RHOBTB3: variants seen among roughly 807,000 people sequenced by gnomAD.
The protein encoded by RHOBTB3 is Rho related BTB domain containing 3, also known as rho-related BTB domain-containing protein 3.
Under a neutral mutation model 67.2 loss-of-function variants are expected in RHOBTB3, and 47 were observed. The observed-to-expected ratio is 0.70, with a 90% CI of 0.55 to 0.89. The LOEUF (loss-of-function observed/expected upper bound fraction) is 0.89, where lower values mean the gene tolerates loss of function less well. RHOBTB3 is among the 40% of genes least tolerant of loss of function. The pLI, the probability that RHOBTB3 is intolerant of heterozygous loss-of-function variation, is 0.00. For missense variants in RHOBTB3, 631 were observed against 750.0 expected (o/e 0.84, Z 1.85); for synonymous variants, 273 against 274.2 (o/e 1.00, Z 0.04).
chr5:95,746,717 A>C (rs909168735), intron 3 of RHOBTB3, among the ~76,000 whole-genome samples: 5 of 152,088 alleles, frequency 3.3e-5, no homozygotes, highest in African/African-American at 1.2e-4. Flanking sequence ...TTGCTTCTCT[A>C]TCTCTAACCC....
At chr5:95,732,530 A>G (rs1412696254) in intron 2 of RHOBTB3, 1 of 227,586 alleles carries the variant, frequency 4.4e-6, no homozygotes, top group Admixed American at 5.4e-5. Flanking sequence ...ACAGTTCAGA[A>G]ATAGTTCCTC....
chr5:95,742,459 T>C (rs1202088952), intron 3 of RHOBTB3, among the ~76,000 whole-genome samples: 1 of 152,242 alleles, frequency 6.6e-6, no homozygotes, highest in East Asian at 1.9e-4. Flanking sequence ...AAGTCTTAAC[T>C]GTGTGACTTC....
At chr5:95,741,313 G>A (rs1755588873) in intron 3 of RHOBTB3, among the ~76,000 whole-genome samples, 1 of 148,044 alleles carries the variant, frequency 6.8e-6, no homozygotes, top group African/African-American at 2.5e-5. Flanking sequence ...GGACGACAGA[G>A]CGAGACTCTG....
At chr5:95,782,439 T>C (rs1746077513) in intron 9 of RHOBTB3, 1 of 152,178 alleles carries the variant, frequency 6.6e-6, no homozygotes, top group Non-Finnish European at 1.5e-5. Context: ...AGAAGAAACA[T>C]GTTCTGGAGA....
upstream of RHOBTB3, chr5:95,730,775 T>C (rs1008042549): frequency 1.0e-5 from 4 of 400,796 alleles, no homozygotes; most frequent in African/African-American, 8.3e-5. Context: ...AGCAAATTAA[T>C]TGGTGTGTGA....
chr5:95,780,985 T>C (rs141893156), intron 9 of RHOBTB3, among the ~76,000 whole-genome samples: 7 of 152,288 alleles, frequency 4.6e-5, no homozygotes, highest in African/African-American at 1.7e-4. Flanking sequence ...TCTTGAGATG[T>C]TTAGAATACC....
intron 4 of RHOBTB3, among the ~76,000 whole-genome samples, chr5:95,751,765 C>T (rs1745097421): frequency 6.6e-6 from 1 of 152,168 alleles, no homozygotes; most frequent in Non-Finnish European, 1.5e-5. Context: ...GTTTAGCTCC[C>T]ACTTATAAGT....
intron 7 of RHOBTB3, 144 bp from the exon 8 acceptor site, chr5:95,767,902 T>C: frequency 1.2e-6 from 1 of 826,198 alleles, no homozygotes; most frequent in Non-Finnish European, 2.1e-6. Flanking sequence ...TAAGTTCCTT[T>C]GAAACCTGTG....
Position 95,792,398 on chromosome 5 carries a change from A to AAAAAAG in RHOBTB3, c.1721-657_1721-656insAGAAAA, listed in dbSNP as rs753844752. 6.9e-4 allele frequency among the ~76,000 whole-genome samples: 90 copies of AAAAAAG among 129,702 alleles called. 1 individual carries two copies. The highest frequency in any genetic ancestry group is 6.7e-3 in the East Asian group (32 of 4,780). The allele number at this position is 129,702 out of a possible 152,430, so 85.1% of individuals were successfully genotyped here. On this transcript the variant is annotated intron_variant, in intron 11 of 11. Coordinates refer to ENST00000379982, the MANE Select transcript of RHOBTB3 (RefSeq NM_014899.4). ...CAAGACTCCGTCTCAGAAAAAAAAA[A>AAAAAAG]AAAAGAAAAGAAAAGAAAAGAAAAG...
At chr5:95,744,053 C>T (rs1755679984) in intron 3 of RHOBTB3, among the ~76,000 whole-genome samples, 1 of 151,582 alleles carries the variant, frequency 6.6e-6, no homozygotes. Flanking sequence ...TCCCTCTCTC[C>T]TTCCCTCTTC....
chr5:95,793,029 C>T (rs753132190), intron 11 of RHOBTB3, 30 bp from the exon 12 acceptor site: 72 of 1,422,384 alleles, frequency 5.1e-5, no homozygotes, highest in Non-Finnish European at 5.3e-5. Flanking sequence ...AAAACATATT[C>T]GGTTAACAGT....
intron 5 of RHOBTB3, among the ~76,000 whole-genome samples, chr5:95,752,814 T>C (rs1274806741): frequency 6.6e-6 from 1 of 152,180 alleles, no homozygotes; most frequent in Non-Finnish European, 1.5e-5. Flanking sequence ...AATAGGAGAA[T>C]GTTCCTGTTC....
chr5:95,741,513 C>CTTTTTTTTTTTTTT (rs1755597405), intron 3 of RHOBTB3, among the ~76,000 whole-genome samples: 1 of 86,182 alleles, frequency 1.2e-5, no homozygotes, highest in African/African-American at 4.2e-5. Context: ...TTTTTTTTTT[C>CTTTTTTTTTTTTTT]TTTCTTTCTG....
rs778442021 is a variant in RHOBTB3, at chr5:95,788,726, T to C, written c.1624-36T>C. On this transcript the variant is annotated intron_variant, in intron 10 of 11. Transcript: ENST00000379982. ...GATCTTATCATACCAGTGGCCATTA[T>C]GTGCAATATTATTTCACTTTTCATT... 5 of 1,348,184 alleles carry C rather than the reference T, an allele frequency of 3.7e-6. No individual in the cohort carries two copies. In the East Asian group the frequency reaches 9.5e-5, roughly 26 times the overall value. 83.5% of individuals were successfully genotyped at this position (1,348,184 alleles called of 1,614,324 possible). A position where few individuals can be genotyped will look rare whatever the true frequency, so the allele number is the denominator to read the frequency against.
chr5:95,769,425 A>C lies in RHOBTB3; in HGVS notation c.1282+1259A>C. The C allele has an allele frequency of 2.2e-5, 6 of 276,620 alleles. 1 individual carries two copies. The South Asian group carries it at 2.5e-4, about 12-fold the overall frequency. 17.1% of individuals were successfully genotyped at this position (276,620 alleles called of 1,614,324 possible). A position where few individuals can be genotyped will look rare whatever the true frequency, so the allele number is the denominator to read the frequency against. On this transcript the variant is annotated intron_variant, in intron 8 of 11. Transcript: ENST00000379982. ...AGGTGCTAATCCAGTGAAAATCAGGAAAGGTATGATGTTAGCTATTGATGC... is the reference window on the plus strand; with the variant it reads ...AGGTGCTAATCCAGTGAAAATCAGGCAAGGTATGATGTTAGCTATTGATGC...
At chr5:95,753,263 G>GTGTC (rs1454847958) in intron 5 of RHOBTB3, among the ~76,000 whole-genome samples, 1 of 143,852 alleles carries the variant, frequency 7.0e-6, no homozygotes, top group Non-Finnish European at 1.5e-5. Context: ...GTGTGTGTGT[G>GTGTC]TGTCTTTCTG....
Position 95,722,630 on chromosome 5 carries a change from C to T in RHOBTB3, n.133+4865C>T, listed in dbSNP as rs577081639. Among the ~76,000 whole-genome samples the T allele has an allele frequency of 2.6e-4, 40 of 152,326 alleles. No individual in the cohort carries two copies. In the South Asian group the frequency reaches 8.3e-3, roughly 32 times the overall value. ...TCAGCCTCCCAAGTAGCTGGGACTACAGGCTCCCGCCACCATGCCCGGCTA... is the reference window on the plus strand; with the variant it reads ...TCAGCCTCCCAAGTAGCTGGGACTATAGGCTCCCGCCACCATGCCCGGCTA... On this transcript the variant is annotated intron_variant and non_coding_transcript_variant, in intron 1 of 5. Transcript: ENST00000504949.
intron 6 of RHOBTB3, among the ~76,000 whole-genome samples, chr5:95,763,042 C>T (rs1190486182): frequency 6.6e-6 from 1 of 152,140 alleles, no homozygotes; most frequent in Non-Finnish European, 1.5e-5. Context: ...CCAGTCTGCC[C>T]CTGACAATGC....
intron 2 of RHOBTB3, chr5:95,732,295 C>A: frequency 1.6e-6 from 1 of 613,584 alleles, no homozygotes; most frequent in South Asian, 2.0e-5. Flanking sequence ...TAGAAGGCCC[C>A]AGTGGGAATG....
Sources: gnomAD v4.1 joint callset for allele counts (sites outside exome capture counted in the v4.1 genomes callset) on GRCh38, gnomAD v4.1.1 for gene constraint, MANE v1.5 for transcripts, NCBI Gene and HGNC (gene_info 2026-07-23, HGNC 2026-07-21) for gene names.